PCSK6: variants seen among roughly 807,000 people sequenced by gnomAD.
PCSK6 encodes the protein proprotein convertase subtilisin/kexin type 6.
A neutral mutation model predicts 123.3 loss-of-function variants in PCSK6; 85 were observed. That is an observed-to-expected ratio of 0.69 (90% CI 0.58 to 0.83). The LOEUF (loss-of-function observed/expected upper bound fraction) is 0.83, where lower values mean the gene tolerates loss of function less well. PCSK6 is among the 40% of genes least tolerant of loss of function. The pLI, the probability that PCSK6 is intolerant of heterozygous loss-of-function variation, is 0.00. For synonymous variants in PCSK6, 508 were observed against 516.0 expected (o/e 0.98, Z 0.21); for missense variants, 1,191 against 1,282.3 (o/e 0.93, Z 1.09).
chr15:101,432,264 T>C (rs2056469780), intron 2 of PCSK6, among the ~76,000 whole-genome samples, 164 bp from the exon 3 acceptor site: 1 of 152,116 alleles, frequency 6.6e-6, no homozygotes, highest in African/African-American at 2.4e-5. Flanking sequence ...AGTGACTACA[T>C]TTGAAAGATG....
chr15:101,460,760 C>A (rs2057323295), intron 1 of PCSK6, among the ~76,000 whole-genome samples: 1 of 152,140 alleles, frequency 6.6e-6, no homozygotes, highest in South Asian at 2.1e-4. Flanking sequence ...AAACATGTCA[C>A]ACATTTGGAA....
At chr15:101,451,567 C>A (rs7172969) in intron 1 of PCSK6, among the ~76,000 whole-genome samples, 2,899 of 149,792 alleles carry the variant, frequency 0.019, 75 homozygotes, top group African/African-American at 0.07. Context: ...CAAAAAAAAA[C>A]TGTACTTTAT....
intron 1 of PCSK6, among the ~76,000 whole-genome samples, chr15:101,457,545 T>C (rs2057220682): frequency 6.6e-6 from 1 of 152,246 alleles, no homozygotes. Context: ...GGGAAGTGCA[T>C]TGCAATAAAG....
chr15:101,434,563 AG>A (rs1473987973), intron 2 of PCSK6, among the ~76,000 whole-genome samples: 1 of 152,120 alleles, frequency 6.6e-6, no homozygotes, highest in African/African-American at 2.4e-5. Context: ...CACAGTTCTG[AG>A]GGGGACTGTG....
chr15:101,315,094 C>G (rs543169574), intron 19 of PCSK6, among the ~76,000 whole-genome samples: 35 of 152,250 alleles, frequency 2.3e-4, no homozygotes, highest in Non-Finnish European at 4.1e-4. Context: ...ACCTGTGGAG[C>G]CTCCCAAGTG....
intron 18 of PCSK6, among the ~76,000 whole-genome samples, chr15:101,318,721 C>T (rs914507853): frequency 2.6e-5 from 4 of 152,198 alleles, no homozygotes; most frequent in Non-Finnish European, 4.4e-5. Context: ...GAATCCAAAC[C>T]CCATGAAGAG....
chr15:101,458,068 C>T (rs559933919), intron 1 of PCSK6, among the ~76,000 whole-genome samples: 1 of 152,328 alleles, frequency 6.6e-6, no homozygotes, highest in South Asian at 2.1e-4. Context: ...TTTTAGGTGG[C>T]TTGCAACAAC....
At chr15:101,323,770 C>T (rs2040187480) in intron 17 of PCSK6, among the ~76,000 whole-genome samples, 1 of 149,060 alleles carries the variant, frequency 6.7e-6, no homozygotes, top group Non-Finnish European at 1.5e-5. Context: ...TATTTGATGG[C>T]TTTATACGTC....
chr15:101,329,004 T>G (rs1056706658), intron 15 of PCSK6, among the ~76,000 whole-genome samples: 3 of 152,256 alleles, frequency 2.0e-5, no homozygotes, highest in Non-Finnish European at 2.9e-5. Flanking sequence ...TACTTAGGTC[T>G]GCTTTTCCCT....
intron 13 of PCSK6, among the ~76,000 whole-genome samples, chr15:101,359,859 T>C (rs1320979552): frequency 1.3e-5 from 2 of 152,242 alleles, no homozygotes; most frequent in Non-Finnish European, 2.9e-5. Flanking sequence ...ATACTTAATA[T>C]ACCTAATCCG....
intron 13 of PCSK6, among the ~76,000 whole-genome samples, chr15:101,353,222 T>A (rs1444901643): frequency 1.3e-5 from 2 of 152,192 alleles, no homozygotes; most frequent in Non-Finnish European, 2.9e-5. Flanking sequence ...TGACAGATCA[T>A]CAGGCATTAG....
chr15:101,451,455 C>T lies in PCSK6; in HGVS notation c.298-7795G>A, dbSNP rs896880815. 3.9e-5 allele frequency among the ~76,000 whole-genome samples: 6 copies of T among 152,284 alleles called. 1 individual carries two copies. The highest frequency in any genetic ancestry group is 6.8e-3 in the Middle Eastern group (2 of 294). Reference sequence around the variant, plus strand: ...CCCACCCCACCTCCCCAGGCCAGCCCAGCCAAACCCTTCCACACGGGAACA... The same window carrying T: ...CCCACCCCACCTCCCCAGGCCAGCCTAGCCAAACCCTTCCACACGGGAACA... On this transcript the variant is annotated intron_variant, in intron 1 of 21. Transcript: ENST00000611716.
At position 101,363,218 on chromosome 15, in the gene PCSK6, AT is replaced by A. The variant is rs577540927; in HGVS notation, c.1858+2977del. Among the ~76,000 whole-genome samples the A allele has an allele frequency of 1.7e-4, 26 of 152,254 alleles. No individual in the cohort carries two copies. The South Asian group carries it at 5.4e-3, about 32-fold the overall frequency. On this transcript the variant is annotated intron_variant, in intron 13 of 21. Transcript: ENST00000611716. ...CTGCAGAGGCACAGTTCCATGGGGGATTGACTGTCCCCTCAAAGCTGCCCTG... is the reference window on the plus strand; with the variant it reads ...CTGCAGAGGCACAGTTCCATGGGGGATGACTGTCCCCTCAAAGCTGCCCTG...
At chr15:101,327,030 G>T (rs926033467) in intron 15 of PCSK6, among the ~76,000 whole-genome samples, 1 of 152,204 alleles carries the variant, frequency 6.6e-6, no homozygotes, top group Non-Finnish European at 1.5e-5. Context: ...CCGCCTGGTG[G>T]GGCTGTTGCT....
At chr15:101,330,221 T>C (rs2040345925) in intron 15 of PCSK6, among the ~76,000 whole-genome samples, 1 of 152,224 alleles carries the variant, frequency 6.6e-6, no homozygotes, top group Non-Finnish European at 1.5e-5. Context: ...GTCCTCAACC[T>C]TCCTCTCCAG....
Position 101,384,277 on chromosome 15 carries a change from C to T in PCSK6, c.1414+45G>A, listed in dbSNP as rs758437468. On this transcript the variant is annotated intron_variant, in intron 10 of 21. Coordinates refer to ENST00000611716, the MANE Select transcript of PCSK6 (RefSeq NM_002570.5). ...GGAATTCATGACACCCCTTCCTACA[C>T]ATTCCAGGGCCACCCAATGGTCCAC... is the stretch of plus-strand genomic sequence containing the variant. 4.4e-5 allele frequency: 71 copies of T among 1,599,108 alleles called. No homozygotes were observed. The highest frequency in any genetic ancestry group is 5.6e-5 in the Non-Finnish European group (65 of 1,168,744).
At chr15:101,481,454 G>T (rs1259548399) in intron 1 of PCSK6, among the ~76,000 whole-genome samples, 1 of 152,182 alleles carries the variant, frequency 6.6e-6, no homozygotes, top group Non-Finnish European at 1.5e-5. Flanking sequence ...AAGAACAACA[G>T]AAGCAAAGCC....
chr15:101,334,833 A>G (rs1049756164), intron 13 of PCSK6, among the ~76,000 whole-genome samples: 9 of 152,164 alleles, frequency 5.9e-5, no homozygotes, highest in Non-Finnish European at 1.2e-4. Context: ...GTGTGGAAAA[A>G]GAGAGCAGGA....
intron 1 of PCSK6, among the ~76,000 whole-genome samples, chr15:101,468,630 A>G (rs9806393): frequency 0.6 from 91,708 of 152,014 alleles, 28,436 homozygotes; most frequent in Non-Finnish European, 0.69. Context: ...AATCCAATAA[A>G]GAACCATCCC....
Sources: gnomAD v4.1 joint callset for allele counts (sites outside exome capture counted in the v4.1 genomes callset) on GRCh38, gnomAD v4.1.1 for gene constraint, MANE v1.5 for transcripts, NCBI Gene and HGNC (gene_info 2026-07-23, HGNC 2026-07-21) for gene names.